Variants in PDE10A observed in about 807,000 individuals in gnomAD.
PDE10A encodes cAMP and cAMP-inhibited cGMP 3',5'-cyclic phosphodiesterase 10A.
Under a neutral mutation model 97.7 loss-of-function variants are expected in PDE10A, and 39 were observed. The observed-to-expected ratio is 0.40, with a 90% CI of 0.31 to 0.52. The LOEUF is 0.52. Among genes scored for constraint, PDE10A ranks in the 20% least tolerant of loss-of-function variants. The pLI, the probability that PDE10A is intolerant of heterozygous loss-of-function variation, is 0.56. For synonymous variants in PDE10A, 371 were observed against 376.8 expected, an observed-to-expected ratio of 0.98 and a Z score of 0.18; for missense variants, 731 against 1,047.8, an observed-to-expected ratio of 0.70 and a Z score of 4.17.
In PDE10A at chr6:165,805,083, G is replaced by A. The variant is rs1365107169; in HGVS notation, c.-615+182446C>T. ...ATGGAGGGACATGGGGCGTACGGAG[G>A]GGCAGCGGGGCCTGGGGTCGAGCAG... On this transcript the variant is annotated intron_variant, in intron 1 of 19. Coordinates refer to the PDE10A transcript ENST00000366882. 2.0e-5 allele frequency among the ~76,000 whole-genome samples: 3 copies of A among 147,812 alleles called. No individual in the cohort carries two copies. In the East Asian group the frequency reaches 6.2e-4, roughly 31 times the overall value.
At chr6:165,825,308 G>A (rs1054766068) in intron 1 of PDE10A, among the ~76,000 whole-genome samples, 25 of 152,110 alleles carry the variant, frequency 1.6e-4, no homozygotes, top group Non-Finnish European at 2.8e-4. Context: ...GGCCTGTGGT[G>A]GCCAAGTGGG....
chr6:165,674,052 A>T (rs1346887509), intron 1 of PDE10A, among the ~76,000 whole-genome samples: 3 of 152,184 alleles, frequency 2.0e-5, no homozygotes, highest in Non-Finnish European at 4.4e-5. Flanking sequence ...AGGAAAGAAA[A>T]ACCTGAGCTG....
chr6:165,735,359 T>A (rs930921267), intron 1 of PDE10A, among the ~76,000 whole-genome samples: 1 of 138,478 alleles, frequency 7.2e-6, no homozygotes, highest in Non-Finnish European at 1.7e-5. Context: ...GGTAGGTAGA[T>A]AGGTGGGTGG....
chr6:165,902,498 T>A (rs1782141306), intron 1 of PDE10A, among the ~76,000 whole-genome samples: 1 of 152,212 alleles, frequency 6.6e-6, no homozygotes, highest in South Asian at 2.1e-4. Context: ...CTCTTTTCTC[T>A]TGCTTGATAT....
chr6:165,636,627 C>G (rs1052976979), intron 1 of PDE10A, among the ~76,000 whole-genome samples: 1 of 152,212 alleles, frequency 6.6e-6, no homozygotes, highest in Admixed American at 6.5e-5. Context: ...GCTTCCCACC[C>G]TAAATGCAAT....
At chr6:165,614,625 T>G (rs1787642576) in intron 1 of PDE10A, among the ~76,000 whole-genome samples, 1 of 152,138 alleles carries the variant, frequency 6.6e-6, no homozygotes, top group South Asian at 2.1e-4. Context: ...GCATTAAGTG[T>G]TCTCATTGTA....
chr6:165,742,529 A>G (rs1046992780), intron 1 of PDE10A, among the ~76,000 whole-genome samples: 1 of 152,136 alleles, frequency 6.6e-6, no homozygotes, highest in Admixed American at 6.5e-5. Flanking sequence ...ACTTATCAAG[A>G]AGAGACCTCA....
intron 1 of PDE10A, among the ~76,000 whole-genome samples, chr6:165,823,763 G>A (rs1376206642): frequency 1.3e-5 from 2 of 151,690 alleles, no homozygotes; most frequent in African/African-American, 2.4e-5. Context: ...GTAATACATC[G>A]CACTGTGACG....
At chr6:165,850,321 A>C (rs1368509534) in intron 1 of PDE10A, among the ~76,000 whole-genome samples, 1 of 152,216 alleles carries the variant, frequency 6.6e-6, no homozygotes, top group Non-Finnish European at 1.5e-5. Context: ...ATTTTTATGC[A>C]AAGATTTTTG....
intron 1 of PDE10A, among the ~76,000 whole-genome samples, chr6:165,747,233 T>C (rs1792863366): frequency 6.6e-6 from 1 of 152,244 alleles, no homozygotes; most frequent in African/African-American, 2.4e-5. Context: ...TTTATGTAAT[T>C]AAATCAATCT....
At chr6:165,782,780 G>A (rs550268013) in intron 1 of PDE10A, among the ~76,000 whole-genome samples, 1 of 152,338 alleles carries the variant, frequency 6.6e-6, no homozygotes, top group African/African-American at 2.4e-5. Flanking sequence ...ACAAGCCCTT[G>A]CAGATGCATG....
chr6:165,757,913 G>A (rs1793155265), intron 1 of PDE10A, among the ~76,000 whole-genome samples: 1 of 152,136 alleles, frequency 6.6e-6, no homozygotes, highest in African/African-American at 2.4e-5. Context: ...ATGATATTGT[G>A]TTTGATTTCT....
chr6:165,664,278 A>G (rs934719504), upstream of PDE10A, among the ~76,000 whole-genome samples: 1 of 151,918 alleles, frequency 6.6e-6, no homozygotes, highest in Non-Finnish European at 1.5e-5. Flanking sequence ...TCTTCTTTCT[A>G]TCCAGTTTCA....
intron 1 of PDE10A, among the ~76,000 whole-genome samples, chr6:165,554,598 G>T (rs1784163237): frequency 6.6e-6 from 1 of 152,158 alleles, no homozygotes; most frequent in Non-Finnish European, 1.5e-5. Flanking sequence ...ATGGAGAAAA[G>T]TTTGGAGGTC....
chr6:165,723,982 C>T (rs1274145105), intron 1 of PDE10A, among the ~76,000 whole-genome samples: 1 of 152,082 alleles, frequency 6.6e-6, no homozygotes, highest in Non-Finnish European at 1.5e-5. Flanking sequence ...TAAGCGATTC[C>T]ACAATCAGGG....
intron 1 of PDE10A, among the ~76,000 whole-genome samples, chr6:165,645,581 C>A (rs190828710): frequency 3.9e-5 from 6 of 152,120 alleles, no homozygotes; most frequent in African/African-American, 1.4e-4. Flanking sequence ...TGGCTGGGCG[C>A]GGTGTCTCAC....
intron 1 of PDE10A, among the ~76,000 whole-genome samples, chr6:165,552,028 C>T (rs377034054): frequency 2.0e-5 from 3 of 152,118 alleles, no homozygotes; most frequent in Admixed American, 2.0e-4. Context: ...CCCCTCCTCT[C>T]TTACGGCTCA....
intron 1 of PDE10A, among the ~76,000 whole-genome samples, chr6:165,699,937 C>A (rs1329779784): frequency 6.6e-6 from 1 of 151,550 alleles, no homozygotes; most frequent in Admixed American, 6.6e-5. Context: ...AGAAGAAGAG[C>A]AAACAAAACC....
chr6:165,420,651 A>G (rs966478393), intron 10 of PDE10A, among the ~76,000 whole-genome samples: 1 of 152,246 alleles, frequency 6.6e-6, no homozygotes, highest in African/African-American at 2.4e-5. Flanking sequence ...TATTTGTTTA[A>G]AATCTGGATC....
Sources: allele counts gnomAD v4.1 joint callset (sites outside exome capture counted in the v4.1 genomes callset), GRCh38; gene constraint gnomAD v4.1.1; transcripts MANE v1.5; gene names NCBI Gene and HGNC (gene_info 2026-07-23, HGNC 2026-07-21).